PPM1F: variants seen among roughly 807,000 people sequenced by gnomAD.
The protein encoded by PPM1F is protein phosphatase, Mg2+/Mn2+ dependent 1F.
In PPM1F, 17 loss-of-function variants were observed where a neutral mutation model predicts 35.5. The observed-to-expected ratio is 0.48, with a 90% CI of 0.33 to 0.72. The LOEUF is 0.72. Ranked by LOEUF, PPM1F falls within the 30% of genes least tolerant of loss-of-function variation. The pLI is 0.02. For missense variants in PPM1F, 521 were observed against 613.0 expected, an observed-to-expected ratio of 0.85 and a Z score of 1.59; for synonymous variants, 241 against 255.5, an observed-to-expected ratio of 0.94 and a Z score of 0.54.
chr22:21,927,408 C>T (rs1285927572), intron 6 of PPM1F, among the ~76,000 whole-genome samples: 3 of 152,212 alleles, frequency 2.0e-5, no homozygotes, highest in South Asian at 2.1e-4. Context: ...GGGCTGTGAG[C>T]GTGGGAGGCT....
rs1025791685 is a variant in PPM1F at position 21,940,332 on chromosome 22, G to C, written c.207-652C>G. Reference sequence around the variant, plus strand: ...TACTAAAAATACAAAAATTAGCCGGGTGTGGTGGCGCATGCCTGTAGTTCC... The same window carrying C: ...TACTAAAAATACAAAAATTAGCCGGCTGTGGTGGCGCATGCCTGTAGTTCC... On this transcript the variant is annotated intron_variant, in intron 2 of 7. Coordinates refer to ENST00000263212, the MANE Select transcript of PPM1F (RefSeq NM_014634.4). Among the ~76,000 whole-genome samples, 5 of 152,280 alleles carry C rather than the reference G, an allele frequency of 3.3e-5. 1 individual carries two copies. Among genetic ancestry groups the C allele is most frequent in the Middle Eastern group, 6.8e-3 (2 of 294 alleles).
intron 2 of PPM1F, 178 bp downstream of exon 2, chr22:21,945,665 C>A (rs2070769167): frequency 3.3e-6 from 2 of 601,714 alleles, no homozygotes; most frequent in Non-Finnish European, 5.7e-6. Context: ...GTGTTGAGTG[C>A]CCAGTGTGTG....
intron 5 of PPM1F, chr22:21,932,665 G>A (rs2070606539): frequency 6.6e-6 from 1 of 152,188 alleles, no homozygotes; most frequent in Non-Finnish European, 1.5e-5. Flanking sequence ...GGGGCCTGAT[G>A]CATTTGTATT....
At chr22:21,935,932 G>C (rs1014703751) in intron 3 of PPM1F, 1 of 152,222 alleles carries the variant, frequency 6.6e-6, no homozygotes, top group Non-Finnish European at 1.5e-5. Context: ...GGGAGGCAGA[G>C]GTTGCAGTGA....
intron 6 of PPM1F, among the ~76,000 whole-genome samples, chr22:21,930,557 ATCAAACATAGCT>A: frequency 6.6e-6 from 1 of 152,220 alleles, no homozygotes; most frequent in African/African-American, 2.4e-5. Context: ...TGCATGGTTA[ATCAAACATAGCT>A]GGTGGAGAAC....
chr22:21,927,247 C>A (rs1355737384), intron 6 of PPM1F, among the ~76,000 whole-genome samples: 1 of 152,128 alleles, frequency 6.6e-6, no homozygotes, highest in Non-Finnish European at 1.5e-5. Flanking sequence ...AGAAAGGGCA[C>A]GGGGAGAGGC....
At position 21,923,218 on chromosome 22, in the gene PPM1F, G is replaced by A. The variant is rs1172207480; in HGVS notation, c.1239C>T (p.Leu413=). The change falls in exon 8 of 8, where the codon CTC becomes CTT. Residue 413 remains leucine (L), a synonymous_variant. Coordinates refer to ENST00000263212, the MANE Select transcript of PPM1F (RefSeq NM_014634.4). ...CCTCCAGCAGCTCTTGGGGGTCCCTGAGGAAGACCACCATGACCGTGATGT... is the reference window on the plus strand; with the variant it reads ...CCTCCAGCAGCTCTTGGGGGTCCCTAAGGAAGACCACCATGACCGTGATGT... ...HDNITVMVVF[L]RDPQELLEGG... The A allele has an allele frequency of 6.2e-7, 1 of 1,613,608 alleles. No homozygotes were observed. The highest frequency in any genetic ancestry group is 1.1e-5 in the South Asian group (1 of 91,062).
At chr22:21,926,573 C>T (rs2070518318) in intron 6 of PPM1F, among the ~76,000 whole-genome samples, 2 of 152,112 alleles carry the variant, frequency 1.3e-5, no homozygotes, top group Admixed American at 1.3e-4. Flanking sequence ...CCTCTTTGGT[C>T]CTATCAGCCT....
Position 21,933,482 on chromosome 22 carries a change from C to T in PPM1F, c.656G>A (p.Arg219His), listed in dbSNP as rs763888472. The change falls in exon 5 of 8, where the codon CGC becomes CAC. Residue 219 changes from arginine (R) to histidine (H), a missense_variant. Physicochemically the swap from Arg to His is conservative, Grantham distance 29. Coordinates refer to ENST00000263212, the MANE Select transcript of PPM1F (RefSeq NM_014634.4). ...AAVHVHTNAARQPELPTDPEG... is the reference protein window; with the variant it reads ...AAVHVHTNAAHQPELPTDPEG... ...AGGGTCTGTGGGCAGCTCTGGCTGG[C>T]GGGCAGCGTTGGTGTGCACGTGGAC... is the stretch of plus-strand genomic sequence containing the variant. The T allele has an allele frequency of 9.9e-6, 16 of 1,613,442 alleles. No individual in the cohort carries two copies. The highest frequency in any genetic ancestry group is 2.2e-5 in the South Asian group (2 of 91,086).
chr22:21,939,623 T>C lies in PPM1F; in HGVS notation c.264A>G (p.Leu88=), dbSNP rs990903996. The change falls in exon 3 of 8, where the codon CTA becomes CTG. Residue 88 remains leucine (L), a synonymous_variant. Transcript: ENST00000263212. This position sits in a 1 kb window ranked among gnomAD's most constrained non-coding sequence, Gnocchi z 5.1. ...ALAHEAVSQL[L]QTDLSEFRKL... ...TCCTGAATTCGGAAAGGTCTGTCTGTAGCAGCTGTGAAACTGCTTCGTGGG... is the reference window on the plus strand; with the variant it reads ...TCCTGAATTCGGAAAGGTCTGTCTGCAGCAGCTGTGAAACTGCTTCGTGGG... 6.4e-7 allele frequency: 1 copy of C among 1,559,754 alleles called. No individual in the cohort carries two copies. Among genetic ancestry groups the C allele is most frequent in the Non-Finnish European group, 8.7e-7 (1 of 1,150,744 alleles).
chr22:21,931,657 C>T (rs973998969), intron 5 of PPM1F, among the ~76,000 whole-genome samples: 5 of 152,016 alleles, frequency 3.3e-5, no homozygotes, highest in African/African-American at 7.2e-5. Context: ...AGATTACAGG[C>T]GTACAGCACC....
chr22:21,952,545 C>T (rs1365181736), intron 1 of PPM1F: 1 of 147,342 alleles, frequency 6.8e-6, no homozygotes, highest in Non-Finnish European at 1.5e-5. Flanking sequence ...CCCAGCCCCC[C>T]AACTCCCAGC....
intron 5 of PPM1F, 104 bp from the exon 6 acceptor site, chr22:21,931,395 T>C (rs368158972): frequency 1.9e-5 from 22 of 1,164,348 alleles, no homozygotes; most frequent in Non-Finnish European, 2.5e-5. Context: ...CTTCCGTTAC[T>C]GTGGTGAGGA....
At chr22:21,947,541 G>T (rs570309445) in intron 1 of PPM1F, 52 of 152,320 alleles carry the variant, frequency 3.4e-4, no homozygotes, top group African/African-American at 1.3e-3. Context: ...GGTGACAAAC[G>T]GACATGAGAC....
chr22:21,938,207 C>A, intron 3 of PPM1F: 2 of 1,303,268 alleles, frequency 1.5e-6, no homozygotes, highest in South Asian at 2.5e-5. Context: ...TTCTCACCGG[C>A]AGGTGGCGCT....
chr22:21,926,657 A>T (rs1485269602), intron 6 of PPM1F, among the ~76,000 whole-genome samples: 3 of 152,152 alleles, frequency 2.0e-5, no homozygotes, highest in Non-Finnish European at 4.4e-5. Flanking sequence ...TGACAGAGTG[A>T]CGGAGGCACC....
At chr22:21,927,740 A>T (rs971402581) in intron 6 of PPM1F, among the ~76,000 whole-genome samples, 1 of 152,164 alleles carries the variant, frequency 6.6e-6, no homozygotes, top group African/African-American at 2.4e-5. Context: ...CCTGTGCTGG[A>T]CAGGCTGCGC....
At chr22:21,941,036 C>T (rs5995279) in intron 2 of PPM1F, 1 of 152,268 alleles carries the variant, frequency 6.6e-6, no homozygotes, top group East Asian at 1.9e-4. Context: ...GTAGTTAGGG[C>T]TACAGGCAGT....
rs1301590099 is a variant in PPM1F at position 21,920,893 on chromosome 22, A to G, written c.*2199T>C. The G allele has an allele frequency of 2.0e-5, 3 of 152,230 alleles. No homozygotes were observed. The East Asian group carries it at 5.8e-4, about 29-fold the overall frequency. 9.4% of individuals were successfully genotyped at this position (152,230 alleles called of 1,614,324 possible). On this transcript the variant is annotated 3_prime_UTR_variant, in exon 8 of 8. Transcript: ENST00000263212. ...GTTATGCCCACGGGCAGGGTGGGCTAGTGGTGAGGGTGGAGCTGCGTCCCT... is the reference window on the plus strand; with the variant it reads ...GTTATGCCCACGGGCAGGGTGGGCTGGTGGTGAGGGTGGAGCTGCGTCCCT...
Sources: allele counts gnomAD v4.1 joint callset (sites outside exome capture counted in the v4.1 genomes callset), GRCh38; gene constraint gnomAD v4.1.1; non-coding constraint Gnocchi (gnomAD v3.1); transcripts MANE v1.5; gene names NCBI Gene and HGNC (gene_info 2026-07-23, HGNC 2026-07-21).